The following FAF2 variants were observed in gnomAD, a reference collection of about 807,000 sequenced individuals.
FAF2 encodes Fas associated factor family member 2.
Under a neutral mutation model 62.3 loss-of-function variants are expected in FAF2, and 9 were observed. The observed-to-expected ratio is 0.14, with a 90% CI of 0.09 to 0.25. The LOEUF (loss-of-function observed/expected upper bound fraction) is 0.25. Among genes scored for constraint, FAF2 ranks in the 10% least tolerant of loss-of-function variants. FAF2 has a pLI of 1.00. For missense variants in FAF2, 368 were observed against 556.2 expected (o/e 0.66, Z 3.40); for synonymous variants, 202 against 198.0 (o/e 1.02, Z -0.17).
At position 176,492,241 on chromosome 5, in the gene FAF2, A is replaced by C; in HGVS notation, c.392A>C (p.Asp131Ala). The change falls in exon 5 of 11, where the codon GAC becomes GCC. Residue 131 changes from aspartate to alanine, a missense_variant. Coordinates refer to ENST00000261942, the MANE Select transcript of FAF2 (RefSeq NM_014613.3). Reference sequence around the variant, plus strand: ...CCTGACCCTCGCAGCCGGGTCACTGACCCCGTTGGGGACATTGTTTCATTT... The same window carrying C: ...CCTGACCCTCGCAGCCGGGTCACTGCCCCCGTTGGGGACATTGTTTCATTT... ...IRPDPRSRVTDPVGDIVSFMH... is the reference protein window; with the variant it reads ...IRPDPRSRVTAPVGDIVSFMH... 1 of 1,614,002 alleles carries C rather than the reference A, an allele frequency of 6.2e-7. No individual in the cohort carries two copies. The highest frequency in any genetic ancestry group is 8.5e-7 in the Non-Finnish European group (1 of 1,179,978).
intron 3 of FAF2, among the ~76,000 whole-genome samples, chr5:176,488,137 C>G (rs936448838): frequency 1.3e-5 from 2 of 152,144 alleles, no homozygotes; most frequent in Non-Finnish European, 2.9e-5. Flanking sequence ...GCCACCACAC[C>G]CAGCTAATTT....
Position 176,503,555 on chromosome 5 carries a change from C to CA in FAF2, c.1156-3196dup, listed in dbSNP as rs5873537. Among the ~76,000 whole-genome samples, 500 of 133,398 alleles carry CA rather than the reference C, an allele frequency of 3.7e-3. 3 individuals are homozygous for CA. Among genetic ancestry groups the CA allele is most frequent in the Non-Finnish European group, 5.5e-3 (343 of 62,152 alleles). The allele number at this position is 133,398 out of a possible 152,430, so 87.5% of individuals were successfully genotyped here. ...GAGTGAAAAAAGCAAAATTCTGTCTCAAAAAAAAAAAAAAAAAGACCTTGT... is the reference window on the plus strand; with the variant it reads ...GAGTGAAAAAAGCAAAATTCTGTCTCAAAAAAAAAAAAAAAAAAGACCTTGT... On this transcript the variant is annotated intron_variant, in intron 10 of 10. Coordinates refer to ENST00000261942, the MANE Select transcript of FAF2 (RefSeq NM_014613.3).
At chr5:176,465,230 C>G (rs1356352001) in intron 1 of FAF2, among the ~76,000 whole-genome samples, 9 of 152,102 alleles carry the variant, frequency 5.9e-5, no homozygotes, top group Non-Finnish European at 1.2e-4. Context: ...ACCCCAAACC[C>G]TTTGTCCATA....
Position 176,494,326 on chromosome 5 carries a change from T to G in FAF2, c.661+51T>G. 6.8e-7 allele frequency: 1 copy of G among 1,469,050 alleles called. No individual in the cohort carries two copies. The highest frequency in any genetic ancestry group is 9.5e-7 in the Non-Finnish European group (1 of 1,049,278). The allele number at this position is 1,469,050 out of a possible 1,614,324, so 91.0% of individuals were successfully genotyped here. The stretch of plus-strand genomic sequence containing the variant: ...TGAGATTGTTGGAGTATCTTTGGAA[T>G]AGTCTGGAAAGACATGCCATGCCAT... On this transcript the variant is annotated intron_variant, in intron 7 of 10. Coordinates refer to ENST00000261942, the MANE Select transcript of FAF2 (RefSeq NM_014613.3). The surrounding 1 kb of genome is among the most constrained non-coding windows in gnomAD (Gnocchi z 4.0).
intron 4 of FAF2, among the ~76,000 whole-genome samples, chr5:176,491,500 C>T (rs918475919): frequency 1.3e-5 from 2 of 152,096 alleles, no homozygotes; most frequent in African/African-American, 2.4e-5. Flanking sequence ...AAGTCATAAC[C>T]GCAACTTCAG....
At chr5:176,460,920 C>A (rs1758367357) in intron 1 of FAF2, among the ~76,000 whole-genome samples, 1 of 152,038 alleles carries the variant, frequency 6.6e-6, no homozygotes. Context: ...GGTGCCACTG[C>A]ACTCCAACCT....
intron 3 of FAF2, among the ~76,000 whole-genome samples, chr5:176,487,438 C>T (rs1321534433): frequency 6.6e-6 from 1 of 152,100 alleles, no homozygotes; most frequent in East Asian, 1.9e-4. Context: ...CCACCTCAGC[C>T]TCCCAAAGTG....
At chr5:176,504,448 G>A (rs1220668228) in intron 10 of FAF2, among the ~76,000 whole-genome samples, 1 of 152,140 alleles carries the variant, frequency 6.6e-6, no homozygotes, top group Non-Finnish European at 1.5e-5. Flanking sequence ...GCTGGGCATG[G>A]TGGTGCGCGC....
In FAF2 at chr5:176,488,158, A is replaced by G. The variant is rs372088063; in HGVS notation, c.268-793A>G. Among the ~76,000 whole-genome samples, 3 of 152,076 alleles carry G rather than the reference A, an allele frequency of 2.0e-5. No individual in the cohort carries two copies. In the East Asian group the frequency reaches 5.8e-4, roughly 29 times the overall value. ...ACACCCAGCTAATTTTTGTATTTTT[A>G]GTAGAGACAGGGTTTTACCATGTTG... On this transcript the variant is annotated intron_variant, in intron 3 of 10. Coordinates refer to ENST00000261942, the MANE Select transcript of FAF2 (RefSeq NM_014613.3).
At chr5:176,465,138 G>A (rs1410742976) in intron 1 of FAF2, among the ~76,000 whole-genome samples, 1 of 151,824 alleles carries the variant, frequency 6.6e-6, no homozygotes, top group East Asian at 2.0e-4. Flanking sequence ...TGATCTGGCC[G>A]CTTCAGCCTC....
intron 2 of FAF2, among the ~76,000 whole-genome samples, chr5:176,482,720 T>C (rs1758803723): frequency 6.6e-6 from 1 of 152,224 alleles, no homozygotes; most frequent in South Asian, 2.1e-4. Flanking sequence ...CTCGCTGTAT[T>C]GACCAGGCTG....
chr5:176,506,767 G>A lies in FAF2; in HGVS notation c.1156-1G>A, dbSNP rs752968736. ...CTTCTTTTTCTATATGACCTCTGCA[G>A]GTAATCCACGACTTCTTATTCTCCT... On this transcript the variant is annotated splice_acceptor_variant, in intron 10 of 10. Coordinates refer to ENST00000261942, the MANE Select transcript of FAF2 (RefSeq NM_014613.3). LOFTEE classifies it high-confidence loss of function. 1 of 1,612,974 alleles carries A rather than the reference G, an allele frequency of 6.2e-7. No individual in the cohort carries two copies. The highest frequency in any genetic ancestry group is 8.5e-7 in the Non-Finnish European group (1 of 1,179,366).
At chr5:176,503,534 GAAAAAAGCAAAATTCTGTCTCAAAA>G (rs1487107859) in intron 10 of FAF2, among the ~76,000 whole-genome samples, 1 of 134,846 alleles carries the variant, frequency 7.4e-6, no homozygotes, top group Non-Finnish European at 1.6e-5. Context: ...CAGCCTGAGT[GAAAAAAGCAAAATTCTGTCTCAAAA>G]AAAAAAAAAA....
At chr5:176,503,492 T>C (rs1755628288) in intron 10 of FAF2, among the ~76,000 whole-genome samples, 1 of 150,888 alleles carries the variant, frequency 6.6e-6, no homozygotes, top group African/African-American at 2.4e-5. Flanking sequence ...GAGGCGGAGG[T>C]TGCAGTGAAT....
At chr5:176,503,399 A>G (rs1377231422) in intron 10 of FAF2, among the ~76,000 whole-genome samples, 1 of 152,064 alleles carries the variant, frequency 6.6e-6, no homozygotes, top group East Asian at 1.9e-4. Flanking sequence ...TACTAAAAAT[A>G]CAAAAATTAG....
intron 1 of FAF2, among the ~76,000 whole-genome samples, chr5:176,451,819 T>TATACAC (rs1758179100): frequency 4.0e-5 from 2 of 49,696 alleles, no homozygotes; most frequent in African/African-American, 1.5e-4. Context: ...TACACACATA[T>TATACAC]ATATATATAC....
intron 1 of FAF2, among the ~76,000 whole-genome samples, chr5:176,457,653 G>GGTGTGTGT (rs34549094): frequency 1.3e-4 from 19 of 150,092 alleles, no homozygotes; most frequent in South Asian, 2.1e-4. Flanking sequence ...TGTTTTCAGG[G>GGTGTGTGT]GTGTGTGTGT....
rs138149987 is a variant in FAF2 at position 176,471,375 on chromosome 5, C to CTT, written c.64-7790_64-7789dup. On this transcript the variant is annotated intron_variant, in intron 1 of 10. Transcript: ENST00000261942. The stretch of plus-strand genomic sequence containing the variant: ...TGATTCTCATCCCTCTCTGTACATT[C>CTT]TTTTTTTTTTTTTTTTTTTTTTTTG... Among the ~76,000 whole-genome samples, 258 of 97,570 alleles carry CTT rather than the reference C, an allele frequency of 2.6e-3. 1 individual carries two copies. The highest frequency in any genetic ancestry group is 5.4e-3 in the Middle Eastern group (1 of 184). 64.0% of individuals were successfully genotyped at this position (97,570 alleles called of 152,430 possible). A position where few individuals can be genotyped will look rare whatever the true frequency, so the allele number is the denominator to read the frequency against.
intron 10 of FAF2, among the ~76,000 whole-genome samples, chr5:176,505,461 T>C (rs1200420451): frequency 6.6e-6 from 1 of 152,188 alleles, no homozygotes; most frequent in Non-Finnish European, 1.5e-5. Context: ...ACACATTTAT[T>C]GTATTGTATT....
Sources: allele counts gnomAD v4.1 joint callset (sites outside exome capture counted in the v4.1 genomes callset), GRCh38; gene constraint gnomAD v4.1.1; non-coding constraint Gnocchi (gnomAD v3.1); transcripts MANE v1.5; gene names NCBI Gene and HGNC (gene_info 2026-07-23, HGNC 2026-07-21).